CALN1: variants seen among roughly 807,000 people sequenced by gnomAD.
The protein encoded by CALN1 is calcium-binding protein 8.
In CALN1, 17 loss-of-function variants were observed where a neutral mutation model predicts 30.6. The observed-to-expected ratio is 0.56, with a 90% confidence interval of 0.38 to 0.83. The LOEUF (loss-of-function observed/expected upper bound fraction) is 0.83. Among genes scored for constraint, CALN1 ranks in the 40% least tolerant of loss-of-function variants. The probability of loss-of-function intolerance (pLI) is 0.00; values close to 1 mark genes in which losing one functional copy is unlikely to be tolerated. For synonymous variants in CALN1, 156 were observed against 131.4 expected (o/e 1.19, Z -1.28); for missense variants, 291 against 354.9 (o/e 0.82, Z 1.45).
chr7:72,190,046 G>A (rs1422624966), intron 3 of CALN1, among the ~76,000 whole-genome samples: 2 of 152,068 alleles, frequency 1.3e-5, no homozygotes, highest in African/African-American at 4.8e-5. Flanking sequence ...AAAATGGTGG[G>A]TAAACAAACA....
At chr7:71,814,043 G>C (rs1278247735) in intron 5 of CALN1, among the ~76,000 whole-genome samples, 1 of 151,950 alleles carries the variant, frequency 6.6e-6, no homozygotes, top group Non-Finnish European at 1.5e-5. Flanking sequence ...CCCTCATAGA[G>C]TAAGTACAAG....
chr7:72,240,145 C>T (rs931129171), intron 3 of CALN1, among the ~76,000 whole-genome samples: 1 of 151,408 alleles, frequency 6.6e-6, no homozygotes, highest in East Asian at 1.9e-4. Flanking sequence ...TGGGAAGTCT[C>T]ATAGGATCCA....
rs1554391979 is a variant in CALN1, at chr7:71,944,614, A to AG, written c.501+79042_501+79043insC. Among the ~76,000 whole-genome samples the AG allele has an allele frequency of 4.6e-3, 694 of 150,744 alleles. 6 individuals are homozygous for AG. The highest frequency in any genetic ancestry group is 0.016 in the African/African-American group (652 of 40,676). On this transcript the variant is annotated intron_variant, in intron 5 of 6. Coordinates refer to ENST00000395275, the MANE Select transcript of CALN1 (RefSeq NM_031468.4). ...CATCCCAAAAAAAAAAAAAAAAAAA[A>AG]AAAGAAAGAAAACATTTCTGAATTT...
rs142410228 is a variant in CALN1, at chr7:72,402,547, G to C, written c.119+704C>G. On this transcript the variant is annotated intron_variant, in intron 2 of 6. Coordinates refer to ENST00000395275, the MANE Select transcript of CALN1 (RefSeq NM_031468.4). ...ATTCCTTGATGCCAGCATCCACAAA[G>C]ATCAAAATTGTGTTCTATACCAAAC... Among the ~76,000 whole-genome samples, 98 of 152,274 alleles carry C rather than the reference G, an allele frequency of 6.4e-4. 1 individual carries two copies. The highest frequency in any genetic ancestry group is 1.2e-3 in the Non-Finnish European group (84 of 68,024).
chr7:72,359,180 A>G (rs1011665729), intron 2 of CALN1, among the ~76,000 whole-genome samples: 3 of 152,090 alleles, frequency 2.0e-5, no homozygotes, highest in African/African-American at 7.2e-5. Context: ...TTACTTTGCT[A>G]ATTAGCATAA....
chr7:72,418,758 C>T (rs1585708305), intron 1 of CALN1, among the ~76,000 whole-genome samples: 1 of 152,160 alleles, frequency 6.6e-6, no homozygotes, highest in Non-Finnish European at 1.5e-5. Context: ...GCACCTATAA[C>T]CCCAGCCCTT....
At chr7:72,228,160 T>C (rs1316018587) in intron 3 of CALN1, among the ~76,000 whole-genome samples, 1 of 151,972 alleles carries the variant, frequency 6.6e-6, no homozygotes. Flanking sequence ...ACTGGGCTTG[T>C]CAATGAGATG....
intron 2 of CALN1, among the ~76,000 whole-genome samples, chr7:72,323,587 T>G (rs1353653967): frequency 6.7e-6 from 1 of 148,710 alleles, no homozygotes; most frequent in African/African-American, 2.5e-5. Flanking sequence ...AGCTTGAACC[T>G]GGGAGGCAGA....
At chr7:72,303,500 T>C (rs1433068951) in intron 2 of CALN1, among the ~76,000 whole-genome samples, 1 of 150,032 alleles carries the variant, frequency 6.7e-6, no homozygotes, top group African/African-American at 2.5e-5. Flanking sequence ...GAGGCTGCGG[T>C]GAGCCAAGAT....
At chr7:71,971,572 C>A (rs936173615) in intron 5 of CALN1, among the ~76,000 whole-genome samples, 1 of 152,002 alleles carries the variant, frequency 6.6e-6, no homozygotes, top group Non-Finnish European at 1.5e-5. Context: ...CTGCAAGAAG[C>A]AAGGTCATAT....
At chr7:71,838,767 T>C (rs1789766384) in intron 5 of CALN1, among the ~76,000 whole-genome samples, 1 of 152,102 alleles carries the variant, frequency 6.6e-6, no homozygotes, top group Non-Finnish European at 1.5e-5. Flanking sequence ...TATAAGGGGC[T>C]TTTCCCTCTT....
At chr7:72,122,725 C>T (rs1374626897) in intron 3 of CALN1, among the ~76,000 whole-genome samples, 1 of 152,114 alleles carries the variant, frequency 6.6e-6, no homozygotes, top group Non-Finnish European at 1.5e-5. Flanking sequence ...GACACTGCCT[C>T]TAAGAAACAA....
chr7:72,084,603 C>G (rs192520569), intron 4 of CALN1, among the ~76,000 whole-genome samples: 1 of 152,006 alleles, frequency 6.6e-6, no homozygotes, highest in Non-Finnish European at 1.5e-5. Flanking sequence ...TCATGTGATC[C>G]ACCCGCCTCG....
intron 3 of CALN1, among the ~76,000 whole-genome samples, chr7:72,182,702 A>G (rs981341239): frequency 2.6e-5 from 4 of 151,764 alleles, no homozygotes; most frequent in Non-Finnish European, 5.9e-5. Flanking sequence ...CCTGAATTAC[A>G]GAGTGAGACT....
intron 5 of CALN1, among the ~76,000 whole-genome samples, chr7:72,018,822 GA>G (rs1001018327): frequency 1.3e-5 from 2 of 149,200 alleles, no homozygotes; most frequent in Admixed American, 1.3e-4. Flanking sequence ...GAAAGCACTG[GA>G]AAAAAATTAT....
chr7:71,908,544 A>G (rs549350117), intron 5 of CALN1, among the ~76,000 whole-genome samples: 1 of 152,302 alleles, frequency 6.6e-6, no homozygotes, highest in African/African-American at 2.4e-5. Context: ...TTAATTTCCA[A>G]AGTTCACTGA....
At chr7:71,923,513 T>G (rs1364141303) in intron 5 of CALN1, among the ~76,000 whole-genome samples, 1 of 152,164 alleles carries the variant, frequency 6.6e-6, no homozygotes, top group Non-Finnish European at 1.5e-5. Context: ...GGAGTCTCAC[T>G]CTATTATTCC....
At chr7:72,169,800 C>T (rs1788809601) in intron 3 of CALN1, among the ~76,000 whole-genome samples, 2 of 150,920 alleles carry the variant, frequency 1.3e-5, no homozygotes, top group South Asian at 4.2e-4. Flanking sequence ...AGCAATTCTC[C>T]CTGCCTCAGC....
chr7:72,148,071 C>G (rs1370567629), intron 3 of CALN1, among the ~76,000 whole-genome samples: 1 of 148,904 alleles, frequency 6.7e-6, no homozygotes, highest in African/African-American at 2.5e-5. Context: ...TGCACACGTA[C>G]CCTAGAACTT....
Sources: gnomAD v4.1 joint callset for allele counts (sites outside exome capture counted in the v4.1 genomes callset) on GRCh38, gnomAD v4.1.1 for gene constraint, MANE v1.5 for transcripts, NCBI Gene and HGNC (gene_info 2026-07-23, HGNC 2026-07-21) for gene names.